The following CEBPZOS variants were observed in gnomAD, a reference collection of about 807,000 sequenced individuals.
CEBPZOS encodes CEBPZ opposite strand, also known as protein CEBPZOS.
Under a neutral mutation model 4.8 loss-of-function variants are expected in CEBPZOS, and 10 were observed. The observed-to-expected ratio is 2.07, with a 90% confidence interval of 1.28 to 3.52. The LOEUF (loss-of-function observed/expected upper bound fraction) is 3.52. Among genes scored for constraint, CEBPZOS ranks in the 30% most tolerant of loss-of-function variants. The probability of loss-of-function intolerance (pLI) is 0.00; values close to 1 mark genes in which losing one functional copy is unlikely to be tolerated. For synonymous variants in CEBPZOS, 25 were observed against 14.2 expected, an observed-to-expected ratio of 1.77 and a Z score of -1.72; for missense variants, 98 against 43.6, an observed-to-expected ratio of 2.25 and a Z score of -3.51.
rs1677337772 is a variant in CEBPZOS, at chr2:37,202,777, T to G, written c.*917T>G. ...AAAACATCAATAAAAAAATTTAAGTTACTTACTTGCATTATCTTTGTTAGC... is the reference window on the plus strand; with the variant it reads ...AAAACATCAATAAAAAAATTTAAGTGACTTACTTGCATTATCTTTGTTAGC... On this transcript the variant is annotated 3_prime_UTR_variant, in exon 5 of 5. Transcript: ENST00000402297. The G allele has an allele frequency of 6.6e-7, 1 of 1,525,178 alleles. No homozygotes were observed. Among genetic ancestry groups the G allele is most frequent in the Non-Finnish European group, 8.8e-7 (1 of 1,132,736 alleles). The allele number at this position is 1,525,178 out of a possible 1,614,324, so 94.5% of individuals were successfully genotyped here. A position where few individuals can be genotyped will look rare whatever the true frequency, so the allele number is the denominator to read the frequency against.
At chr2:37,197,831 A>T (rs1469092830) in intron 1 of CEBPZOS, among the ~76,000 whole-genome samples, 1 of 151,372 alleles carries the variant, frequency 6.6e-6, no homozygotes, top group Admixed American at 6.6e-5. Context: ...GCACCACTGC[A>T]CTCCTGCCTG....
chr2:37,213,983 T>C, downstream of CEBPZOS: 3 of 1,320,380 alleles, frequency 2.3e-6, no homozygotes, highest in Non-Finnish European at 3.1e-6. Context: ...ATGTTATATA[T>C]TTGACAATTT....
At chr2:37,205,964 T>G (rs537096433), downstream of CEBPZOS, among the ~76,000 whole-genome samples, 4 of 152,202 alleles carry the variant, frequency 2.6e-5, no homozygotes, top group Non-Finnish European at 5.9e-5. Flanking sequence ...AAGAAAAAGA[T>G]AACAGGTGTC....
At chr2:37,212,112 G>C in intron 4 of CEBPZOS, 3 of 1,287,922 alleles carry the variant, frequency 2.3e-6, no homozygotes, top group Non-Finnish European at 3.2e-6. Context: ...GACTACTAGG[G>C]CAGTAGGCTA....
intron 2 of CEBPZOS, 65 bp downstream of exon 2, chr2:37,199,884 T>C (rs369854271): frequency 4.4e-6 from 3 of 675,946 alleles, no homozygotes; most frequent in Non-Finnish European, 8.3e-6. Flanking sequence ...ATTTTATGTG[T>C]TAAATGGCAA....
chr2:37,201,969 A>T lies in CEBPZOS; in HGVS notation c.*109A>T. ...TAGACTCTTGGTGGTCCCACAGAAC[A>T]TGCTGCTGAGTCACAGGAACTTCTA... is the stretch of plus-strand genomic sequence containing the variant. On this transcript the variant is annotated 3_prime_UTR_variant, in exon 5 of 5. Transcript: ENST00000402297. 1 of 1,485,218 alleles carries T rather than the reference A, an allele frequency of 6.7e-7. No individual in the cohort carries two copies. The allele number at this position is 1,485,218 out of a possible 1,614,324, so 92.0% of individuals were successfully genotyped here. A position where few individuals can be genotyped will look rare whatever the true frequency, so the allele number is the denominator to read the frequency against.
Position 37,202,000 on chromosome 2 carries a change from C to A in CEBPZOS, c.*140C>A. 1 of 1,194,996 alleles carries A rather than the reference C, an allele frequency of 8.4e-7. No individual in the cohort carries two copies. The allele number at this position is 1,194,996 out of a possible 1,614,324, so 74.0% of individuals were successfully genotyped here. On this transcript the variant is annotated 3_prime_UTR_variant, in exon 5 of 5. Transcript: ENST00000402297. ...CTGAGTCACAGGAACTTCTAGCCTG[C>A]CTTGGCCTGTGGTTTCCCACCCACT...
rs984145741 is a variant in CEBPZOS at position 37,210,883 on chromosome 2, A to AC, written c.*3-2546dup. 9.4e-4 allele frequency: 410 copies of AC among 437,824 alleles called. 1 individual carries two copies. Among genetic ancestry groups the AC allele is most frequent in the South Asian group, 2.1e-3 (49 of 23,048 alleles). The allele number at this position is 437,824 out of a possible 1,614,324, so 27.1% of individuals were successfully genotyped here. A position where few individuals can be genotyped will look rare whatever the true frequency, so the allele number is the denominator to read the frequency against. ...CCACTTAACATCTTTCTTAAAAAGA[A>AC]CCCCCCCCACCCCTGAATTTTATTA... On this transcript the variant is annotated intron_variant, in intron 4 of 4. Coordinates refer to the CEBPZOS transcript ENST00000397064.
chr2:37,202,939 A>AT lies in CEBPZOS; in HGVS notation c.*1081dup. ...AATAGCTAGCTTGTTAAAACAGTAC[A>AT]TTAGCCTTACCTCTTCAGCAGATAC... is the stretch of plus-strand genomic sequence containing the variant. On this transcript the variant is annotated 3_prime_UTR_variant, in exon 5 of 5. Coordinates refer to ENST00000402297, the MANE Select transcript of CEBPZOS (RefSeq NM_001322374.2). 1 of 1,594,934 alleles carries AT rather than the reference A, an allele frequency of 6.3e-7. No homozygotes were observed. Among genetic ancestry groups the AT allele is most frequent in the Non-Finnish European group, 8.5e-7 (1 of 1,170,640 alleles).
downstream of CEBPZOS, among the ~76,000 whole-genome samples, chr2:37,205,782 C>G (rs1255061300): frequency 6.6e-6 from 1 of 152,196 alleles, no homozygotes; most frequent in Non-Finnish European, 1.5e-5. Context: ...AGACTGTCAC[C>G]TGATACAGCA....
intron 4 of CEBPZOS, chr2:37,211,339 C>A: frequency 3.2e-6 from 1 of 309,304 alleles, no homozygotes; most frequent in Admixed American, 4.8e-5. Context: ...ATATAAAACC[C>A]CTTAAAACAA....
At chr2:37,206,139 G>C (rs1677531788), downstream of CEBPZOS, among the ~76,000 whole-genome samples, 1 of 152,184 alleles carries the variant, frequency 6.6e-6, no homozygotes, top group African/African-American at 2.4e-5. Context: ...CAAACATGTT[G>C]ATCTGCTGTG....
At chr2:37,212,449 T>C in intron 4 of CEBPZOS, 2 of 1,374,510 alleles carry the variant, frequency 1.5e-6, no homozygotes, top group East Asian at 2.3e-5. Flanking sequence ...TTGACATATA[T>C]CTTGTATCTG....
chr2:37,211,724 G>A (rs1677725336), intron 4 of CEBPZOS: 2 of 691,128 alleles, frequency 2.9e-6, no homozygotes, highest in East Asian at 3.0e-5. Flanking sequence ...TAAGTTTCTG[G>A]CTGACATGAG....
At chr2:37,212,460 A>G in intron 4 of CEBPZOS, 1 of 1,296,540 alleles carries the variant, frequency 7.7e-7, no homozygotes, top group Non-Finnish European at 1.1e-6. Flanking sequence ...CTTGTATCTG[A>G]ATCAATTATT....
downstream of CEBPZOS, among the ~76,000 whole-genome samples, chr2:37,215,848 T>TA (rs1412051845): frequency 1.3e-5 from 2 of 151,518 alleles, no homozygotes; most frequent in African/African-American, 4.9e-5. Flanking sequence ...CTACGGATGA[T>TA]AAAATGGTGA....
chr2:37,210,774 A>G, intron 4 of CEBPZOS: 1 of 446,688 alleles, frequency 2.2e-6, no homozygotes, highest in Non-Finnish European at 4.0e-6. Flanking sequence ...TGAAATAATG[A>G]TAACAAATTT....
At position 37,203,208 on chromosome 2, in the gene CEBPZOS, A is replaced by ATAG. The variant is rs1677366062; in HGVS notation, c.*1349_*1351dup. 2.5e-6 allele frequency: 1 copy of ATAG among 398,540 alleles called. No individual in the cohort carries two copies. The highest frequency in any genetic ancestry group is 2.1e-5 in the African/African-American group (1 of 48,136). The allele number at this position is 398,540 out of a possible 1,614,324, so 24.7% of individuals were successfully genotyped here. ...TTTTCAAAAAGCTAACAACATCCTA[A>ATAG]TAGAACTGTTCAGATGACAAGAGTG... On this transcript the variant is annotated 3_prime_UTR_variant, in exon 5 of 5. Transcript: ENST00000402297.
chr2:37,210,765 G>T, intron 4 of CEBPZOS: 1 of 420,026 alleles, frequency 2.4e-6, no homozygotes, highest in East Asian at 4.3e-5. Context: ...AAAAACAACT[G>T]AAATAATGAT....
Sources: gnomAD v4.1 joint callset for allele counts (sites outside exome capture counted in the v4.1 genomes callset) on GRCh38, gnomAD v4.1.1 for gene constraint, MANE v1.5 for transcripts, NCBI Gene and HGNC (gene_info 2026-07-23, HGNC 2026-07-21) for gene names.